The following NSMAF variants were observed in gnomAD, a reference collection of about 807,000 sequenced individuals.
The protein encoded by NSMAF is neutral sphingomyelinase activation associated factor.
In NSMAF, 90 loss-of-function variants were observed where a neutral mutation model predicts 134.9. The ratio of observed to expected loss-of-function variants is 0.67; its 90% CI spans 0.56 to 0.79. NSMAF has a LOEUF of 0.79. Among genes scored for constraint, NSMAF ranks in the 30% least tolerant of loss-of-function variants. The pLI, the probability that NSMAF is intolerant of heterozygous loss-of-function variation, is 0.00. For missense variants in NSMAF, 1,010 were observed against 1,119.0 expected (o/e 0.90, Z 1.39); for synonymous variants, 358 against 389.6 (o/e 0.92, Z 0.96).
At chr8:58,602,438 A>G (rs529002914) in intron 13 of NSMAF, among the ~76,000 whole-genome samples, 1 of 152,262 alleles carries the variant, frequency 6.6e-6, no homozygotes, top group African/African-American at 2.4e-5. Context: ...AACAACAACA[A>G]CAACAAAATT....
chr8:58,586,064 G>A, intron 28 of NSMAF, 64 bp from the exon 29 acceptor site: 2 of 1,295,384 alleles, frequency 1.5e-6, no homozygotes, highest in Non-Finnish European at 2.2e-6. Context: ...CATTATTCTG[G>A]ATTTTATTTC....
At chr8:58,596,436 GTCTTAGGTAAAA>G (rs1806136961) in intron 21 of NSMAF, among the ~76,000 whole-genome samples, 1 of 152,160 alleles carries the variant, frequency 6.6e-6, no homozygotes, top group Admixed American at 6.5e-5. Context: ...GTTTGAAGTT[GTCTTAGGTAAAA>G]TCTAAAACCT....
rs147008504 is a variant in NSMAF at position 58,646,655 on chromosome 8, A to G, written c.60-3582T>C. Among the ~76,000 whole-genome samples, 903 of 152,228 alleles carry G rather than the reference A, an allele frequency of 5.9e-3. 4 individuals carry two copies. The highest frequency in any genetic ancestry group is 0.01 in the Non-Finnish European group (710 of 68,010). On this transcript the variant is annotated intron_variant, in intron 1 of 30. Coordinates refer to ENST00000038176, the MANE Select transcript of NSMAF (RefSeq NM_003580.4). ...GTTATACCCGCTTTAAAATTTTTCT[A>G]TGTAAAAATTATTATAATTAAGTTG... is the stretch of plus-strand genomic sequence containing the variant.
At chr8:58,632,918 C>T (rs753657919) in intron 5 of NSMAF, among the ~76,000 whole-genome samples, 1 of 152,198 alleles carries the variant, frequency 6.6e-6, no homozygotes, top group African/African-American at 2.4e-5. Context: ...TTATACCCTG[C>T]GACCAATCCG....
At chr8:58,628,431 C>A (rs79046832) in intron 6 of NSMAF, among the ~76,000 whole-genome samples, 5,979 of 152,272 alleles carry the variant, frequency 0.039, 131 homozygotes, top group Non-Finnish European at 0.06. Flanking sequence ...CATACAAAAA[C>A]TATTCCTTCA....
At chr8:58,629,413 T>C (rs201021659) in intron 6 of NSMAF, among the ~76,000 whole-genome samples, 1 of 86,996 alleles carries the variant, frequency 1.1e-5, no homozygotes, top group African/African-American at 3.1e-5. Flanking sequence ...AATATTCTCT[T>C]TGTTAAAATT....
intron 1 of NSMAF, among the ~76,000 whole-genome samples, chr8:58,649,228 C>T (rs188234834): frequency 8.5e-5 from 13 of 152,204 alleles, no homozygotes; most frequent in Non-Finnish European, 1.5e-4. Context: ...GGGTTTCAGA[C>T]TTCAGTGAGG....
chr8:58,651,964 A>G (rs1162684992), intron 1 of NSMAF, among the ~76,000 whole-genome samples: 1 of 152,222 alleles, frequency 6.6e-6, no homozygotes, highest in African/African-American at 2.4e-5. Context: ...TTCCTGAATC[A>G]GTCTAAACTT....
Position 58,633,985 on chromosome 8 carries a change from A to T in NSMAF, c.333+1204T>A, listed in dbSNP as rs138678600. ...ATTTTTACTAAAATAACTAAAATGTATAGTTTTATAATGAAAACCCTATCT... is the reference window on the plus strand; with the variant it reads ...ATTTTTACTAAAATAACTAAAATGTTTAGTTTTATAATGAAAACCCTATCT... On this transcript the variant is annotated intron_variant, in intron 5 of 30. Transcript: ENST00000038176. Among the ~76,000 whole-genome samples the T allele has an allele frequency of 5.6e-3, 860 of 152,318 alleles. 7 individuals are homozygous for T. Among genetic ancestry groups the T allele is most frequent in the African/African-American group, 0.019 (807 of 41,570 alleles).
intron 5 of NSMAF, among the ~76,000 whole-genome samples, chr8:58,631,897 G>A (rs1166385944): frequency 6.6e-6 from 1 of 152,086 alleles, no homozygotes; most frequent in African/African-American, 2.4e-5. Flanking sequence ...GTAAAACAAA[G>A]TTACTGTGGT....
At chr8:58,633,342 C>T (rs1164600708) in intron 5 of NSMAF, among the ~76,000 whole-genome samples, 1 of 152,186 alleles carries the variant, frequency 6.6e-6, no homozygotes, top group African/African-American at 2.4e-5. Context: ...CCTGGAATAC[C>T]AGTGTTTGTG....
intron 11 of NSMAF, 48 bp from the exon 12 acceptor site, chr8:58,606,083 C>A: frequency 1.4e-6 from 2 of 1,422,802 alleles, no homozygotes; most frequent in Non-Finnish European, 1.9e-6. Context: ...TTGTATTCAT[C>A]TTGCAATCCC....
chr8:58,640,841 A>G (rs574451034), intron 2 of NSMAF, among the ~76,000 whole-genome samples: 281 of 152,056 alleles, frequency 1.8e-3, no homozygotes, highest in African/African-American at 6.6e-3. Flanking sequence ...TGCTGGGATT[A>G]CGAGTGTGAA....
chr8:58,587,923 T>C (rs766329560), intron 26 of NSMAF, among the ~76,000 whole-genome samples: 20 of 152,340 alleles, frequency 1.3e-4, no homozygotes, highest in African/African-American at 4.6e-4. Flanking sequence ...TTCTATCACC[T>C]GCACTTGCTG....
Position 58,584,076 on chromosome 8 carries a change from C to T in NSMAF, c.*30G>A. 6.6e-7 allele frequency: 1 copy of T among 1,509,426 alleles called. No individual in the cohort carries two copies. The highest frequency in any genetic ancestry group is 1.1e-5 in the South Asian group (1 of 88,828). 93.5% of individuals were successfully genotyped at this position (1,509,426 alleles called of 1,614,324 possible). A position where few individuals can be genotyped will look rare whatever the true frequency, so the allele number is the denominator to read the frequency against. Reference sequence around the variant, plus strand: ...GTTTAAAAATGCATTAAATAGAGTTCAATTTAATATTCAGGAGAGGAAAAG... The same window carrying T: ...GTTTAAAAATGCATTAAATAGAGTTTAATTTAATATTCAGGAGAGGAAAAG... On this transcript the variant is annotated 3_prime_UTR_variant, in exon 31 of 31. Transcript: ENST00000038176.
intron 1 of NSMAF, among the ~76,000 whole-genome samples, chr8:58,644,757 C>T (rs1807405023): frequency 6.6e-6 from 1 of 152,166 alleles, no homozygotes; most frequent in African/African-American, 2.4e-5. Context: ...AAATGTGGCA[C>T]ATATACACCA....
At chr8:58,617,630 A>T (rs1806691084) in intron 9 of NSMAF, among the ~76,000 whole-genome samples, 1 of 152,260 alleles carries the variant, frequency 6.6e-6, no homozygotes, top group African/African-American at 2.4e-5. Flanking sequence ...CATGCCAGTT[A>T]GAATGGCAAT....
chr8:58,585,712 C>G lies in NSMAF; in HGVS notation c.2599G>C (p.Glu867Gln). Residue 867 changes from glutamate (E) to glutamine (Q), a missense_variant, in exon 30 of 31, where the codon GAA (glutamate) becomes CAA (glutamine). Transcript: ENST00000038176. ...CCAAGGAGGTCCCAAACGAGCAGTT[C>G]ACCAGACTGACTGCCAGATAAAACG... ...NSVLSGSQSG[E>Q]LLVWDLLGAK... 1 of 1,614,158 alleles carries G rather than the reference C, an allele frequency of 6.2e-7. No individual in the cohort carries two copies. The highest frequency in any genetic ancestry group is 8.5e-7 in the Non-Finnish European group (1 of 1,180,008).
intron 9 of NSMAF, among the ~76,000 whole-genome samples, chr8:58,611,791 A>G (rs1806535174): frequency 6.6e-6 from 1 of 152,312 alleles, no homozygotes; most frequent in South Asian, 2.1e-4. Flanking sequence ...TGAGATCTGA[A>G]GGAATATATT....
Sources: gnomAD v4.1 joint callset for allele counts (sites outside exome capture counted in the v4.1 genomes callset) on GRCh38, gnomAD v4.1.1 for gene constraint, MANE v1.5 for transcripts, NCBI Gene and HGNC (gene_info 2026-07-23, HGNC 2026-07-21) for gene names.